Variants in DOCK3 observed in about 807,000 individuals in gnomAD.
DOCK3 encodes dedicator of cytokinesis 3, also known as dedicator of cytokinesis protein 3.
In DOCK3, 60 loss-of-function variants were observed where a neutral mutation model predicts 265.6. The observed-to-expected ratio is 0.23, with a 90% CI of 0.18 to 0.28. The LOEUF is 0.28. Ranked by LOEUF, DOCK3 falls within the 10% of genes least tolerant of loss-of-function variation. The pLI, the probability that DOCK3 is intolerant of heterozygous loss-of-function variation, is 1.00. For synonymous variants in DOCK3, 881 were observed against 938.0 expected (o/e 0.94, Z 1.11); for missense variants, 1,981 against 2,594.3 (o/e 0.76, Z 5.14).
In DOCK3 at chr3:51,094,311, G is replaced by T. The variant is rs2082743378; in HGVS notation, c.746+3927G>T. 2.0e-5 allele frequency among the ~76,000 whole-genome samples: 3 copies of T among 152,152 alleles called. No individual in the cohort carries two copies. In the South Asian group the frequency reaches 6.2e-4, roughly 32 times the overall value. ...ATCTCTCTGGTCCTGGGCTTATTTT[G>T]GTTGGTAGGCTACTAATTACTGCCT... On this transcript the variant is annotated intron_variant, in intron 9 of 52. Transcript: ENST00000266037.
At chr3:50,818,594 A>C (rs549820421) in intron 2 of DOCK3, among the ~76,000 whole-genome samples, 9 of 152,204 alleles carry the variant, frequency 5.9e-5, no homozygotes, top group Non-Finnish European at 1.0e-4. Context: ...TTATATTTGA[A>C]CATGTTAGGA....
At chr3:51,096,798 A>T (rs1437525049) in intron 9 of DOCK3, among the ~76,000 whole-genome samples, 3 of 152,032 alleles carry the variant, frequency 2.0e-5, no homozygotes. Flanking sequence ...TTGATCTTTG[A>T]TGTTGGTGAC....
intron 32 of DOCK3, among the ~76,000 whole-genome samples, chr3:51,325,928 G>A (rs948366020): frequency 2.6e-5 from 4 of 152,078 alleles, no homozygotes; most frequent in Non-Finnish European, 5.9e-5. Context: ...GGGGGGCTAG[G>A]GGAGGGATAG....
Position 51,007,590 on chromosome 3 carries a change from A to G in DOCK3, c.316-56858A>G, listed in dbSNP as rs1404069006. Among the ~76,000 whole-genome samples, 5 of 152,230 alleles carry G rather than the reference A, an allele frequency of 3.3e-5. No individual in the cohort carries two copies. The South Asian group carries it at 8.3e-4, about 25-fold the overall frequency. ...TAGGTTGCCTGTTCACTCTGATGGTAGTTTCTTTTGCTGTGCAGAAGCTCT... is the reference window on the plus strand; with the variant it reads ...TAGGTTGCCTGTTCACTCTGATGGTGGTTTCTTTTGCTGTGCAGAAGCTCT... On this transcript the variant is annotated intron_variant, in intron 5 of 52. Transcript: ENST00000266037.
chr3:50,907,661 T>G (rs889336487), intron 4 of DOCK3, among the ~76,000 whole-genome samples: 6 of 152,140 alleles, frequency 3.9e-5, no homozygotes, highest in Non-Finnish European at 8.8e-5. Context: ...GCACATGAGA[T>G]GAGTCTCCTG....
chr3:50,741,996 G>A (rs1407538209), intron 1 of DOCK3, among the ~76,000 whole-genome samples: 1 of 152,078 alleles, frequency 6.6e-6, no homozygotes. Context: ...ATCTCATTGT[G>A]GTTTTGATTT....
intron 1 of DOCK3, among the ~76,000 whole-genome samples, chr3:50,776,935 G>A (rs2041634898): frequency 6.6e-6 from 1 of 152,170 alleles, no homozygotes; most frequent in Admixed American, 6.5e-5. Flanking sequence ...GACTGGGAAG[G>A]CCTCACAATC....
chr3:50,686,496 A>C (rs6796769), intron 1 of DOCK3, among the ~76,000 whole-genome samples: 2 of 152,114 alleles, frequency 1.3e-5, no homozygotes, highest in Non-Finnish European at 2.9e-5. Flanking sequence ...TCGTGGATCT[A>C]TTCCTTCCCA....
intron 24 of DOCK3, among the ~76,000 whole-genome samples, chr3:51,274,645 C>T (rs2080713063): frequency 6.6e-6 from 1 of 151,934 alleles, no homozygotes; most frequent in Admixed American, 6.6e-5. Context: ...AGTGTGGTGC[C>T]ATACACCTGT....
intron 2 of DOCK3, among the ~76,000 whole-genome samples, chr3:50,792,033 A>C (rs2042504957): frequency 6.6e-6 from 1 of 151,990 alleles, no homozygotes; most frequent in Admixed American, 6.6e-5. Context: ...TTGAATCTGT[A>C]AATTGCTTTG....
intron 4 of DOCK3, among the ~76,000 whole-genome samples, chr3:50,905,193 T>C (rs1425463693): frequency 2.0e-5 from 3 of 152,172 alleles, no homozygotes; most frequent in African/African-American, 4.8e-5. Flanking sequence ...AGTCAGGTAG[T>C]GTGATGCCTC....
chr3:51,378,508 T>A (rs1342057793), intron 51 of DOCK3, among the ~76,000 whole-genome samples: 1 of 152,162 alleles, frequency 6.6e-6, no homozygotes, highest in East Asian at 1.9e-4. Flanking sequence ...CACCTCAGGC[T>A]CAATGTAGCT....
chr3:51,061,262 C>G (rs1338405602), intron 5 of DOCK3, among the ~76,000 whole-genome samples: 4 of 152,140 alleles, frequency 2.6e-5, no homozygotes, highest in Non-Finnish European at 2.9e-5. Flanking sequence ...CACATACACA[C>G]GTGTGTTTAT....
At chr3:50,705,101 A>T (rs1450833892) in intron 1 of DOCK3, among the ~76,000 whole-genome samples, 1 of 126,418 alleles carries the variant, frequency 7.9e-6, no homozygotes, top group Non-Finnish European at 1.7e-5. Flanking sequence ...TTACAATTTG[A>T]TGGTTTTCTG....
chr3:50,707,308 A>C (rs563947553), intron 1 of DOCK3, among the ~76,000 whole-genome samples: 1 of 151,602 alleles, frequency 6.6e-6, no homozygotes, highest in Non-Finnish European at 1.5e-5. Context: ...GTGGTAGGGC[A>C]TGCCTGTAAT....
chr3:51,223,912 T>C (rs1292241603), intron 14 of DOCK3, among the ~76,000 whole-genome samples: 5 of 152,186 alleles, frequency 3.3e-5, no homozygotes, highest in Non-Finnish European at 7.3e-5. Flanking sequence ...ACCTACCCTG[T>C]ACACCTGAGT....
chr3:51,017,195 C>A (rs954431817), intron 5 of DOCK3, among the ~76,000 whole-genome samples: 1 of 150,204 alleles, frequency 6.7e-6, no homozygotes, highest in Non-Finnish European at 1.5e-5. Flanking sequence ...ACTAATGATC[C>A]TTTGATTTTT....
At chr3:50,699,699 AG>A (rs1053870806) in intron 1 of DOCK3, among the ~76,000 whole-genome samples, 10 of 152,202 alleles carry the variant, frequency 6.6e-5, no homozygotes, top group African/African-American at 2.4e-4. Context: ...TTCTGCAGAG[AG>A]GGGACAAGGT....
At chr3:51,294,082 C>T (rs949720057) in intron 27 of DOCK3, among the ~76,000 whole-genome samples, 11 of 152,202 alleles carry the variant, frequency 7.2e-5, no homozygotes, top group Admixed American at 2.6e-4. Context: ...AACAATTCCA[C>T]TTCTGGGTAT....
Sources: gnomAD v4.1 joint callset for allele counts (sites outside exome capture counted in the v4.1 genomes callset) on GRCh38, gnomAD v4.1.1 for gene constraint, MANE v1.5 for transcripts, NCBI Gene and HGNC (gene_info 2026-07-23, HGNC 2026-07-21) for gene names.